The following MMP28 variants were observed in gnomAD, a reference collection of about 807,000 sequenced individuals.
MMP28 encodes the protein matrix metalloproteinase-28.
Under a neutral mutation model 60.5 loss-of-function variants are expected in MMP28, and 55 were observed. That is an observed-to-expected ratio of 0.91 (90% confidence interval 0.73 to 1.14). The LOEUF (loss-of-function observed/expected upper bound fraction) is 1.14, where lower values mean the gene tolerates loss of function less well. Ranked by LOEUF, MMP28 falls within the 50% of genes most tolerant of loss-of-function variation. MMP28 has a pLI of 0.00. For missense variants in MMP28, 686 were observed against 738.3 expected (o/e 0.93, Z 0.82); for synonymous variants, 318 against 312.5 (o/e 1.02, Z -0.18).
intron 3 of MMP28, 189 bp downstream of exon 3, chr17:35,778,699 C>A: frequency 7.6e-7 from 1 of 1,307,806 alleles, no homozygotes. Flanking sequence ...ATGTAGGTGT[C>A]ATTCTGAATT....
intron 3 of MMP28, among the ~76,000 whole-genome samples, chr17:35,777,322 A>T (rs551417538): frequency 6.6e-6 from 1 of 152,204 alleles, no homozygotes; most frequent in East Asian, 1.9e-4. Flanking sequence ...ACACGGTGGG[A>T]CACAGAACAT....
At chr17:35,777,476 A>G (rs1420808041) in intron 3 of MMP28, among the ~76,000 whole-genome samples, 2 of 152,202 alleles carry the variant, frequency 1.3e-5, no homozygotes, top group Non-Finnish European at 2.9e-5. Context: ...ACACCTGGAA[A>G]CAGCCACCCT....
In MMP28 at chr17:35,779,325, T is replaced by C. The variant is rs765755380; in HGVS notation, c.112-2A>G. On this transcript the variant is annotated splice_acceptor_variant, in intron 1 of 7. Transcript: ENST00000605424. LOFTEE classifies it high-confidence loss of function. Reference sequence around the variant, plus strand: ...GTATCCGTACTTCTCTAGGAATGCCTGCGGGAGAGAGGAATATCTGCTTTT... The same window carrying C: ...GTATCCGTACTTCTCTAGGAATGCCCGCGGGAGAGAGGAATATCTGCTTTT... The C allele has an allele frequency of 6.2e-7, 1 of 1,611,088 alleles. No individual in the cohort carries two copies. Among genetic ancestry groups the C allele is most frequent in the South Asian group, 1.1e-5 (1 of 90,184 alleles).
chr17:35,775,488 GA>G (rs1568163988), intron 3 of MMP28, among the ~76,000 whole-genome samples: 1 of 152,222 alleles, frequency 6.6e-6, no homozygotes, highest in Non-Finnish European at 1.5e-5. Context: ...AGGGGGAGGA[GA>G]ACTAAAAGCT....
rs2086937689 is a variant in MMP28 at position 35,795,302 on chromosome 17, C to T, written c.76G>A (p.Glu26Lys). 1 of 1,465,268 alleles carries T rather than the reference C, an allele frequency of 6.8e-7. No individual in the cohort carries two copies. Among genetic ancestry groups the T allele is most frequent in the Non-Finnish European group, 9.0e-7 (1 of 1,108,824 alleles). The allele number at this position is 1,465,268 out of a possible 1,614,324, so 90.8% of individuals were successfully genotyped here. A position where few individuals can be genotyped will look rare whatever the true frequency, so the allele number is the denominator to read the frequency against. ...LWGHLDAQPA[E>K]RGGQELRKEA... is the part of the protein sequence containing the mutation. ...TTGCGCAGCTCCTGGCCTCCGCGCT[C>T]CGCGGGCTGGGCGTCCAGGTGGCCC... The change falls in exon 1 of 8, where the codon GAG becomes AAG. Residue 26 changes from glutamate (E) to lysine (K), a missense_variant. Glu to Lys is a moderately conservative substitution (Grantham distance 56). Transcript: ENST00000605424.
intron 3 of MMP28, among the ~76,000 whole-genome samples, chr17:35,776,856 T>G (rs1555607753): frequency 6.6e-6 from 1 of 151,726 alleles, no homozygotes; most frequent in Non-Finnish European, 1.5e-5. Flanking sequence ...GCCATTGCAC[T>G]CCAGCATGAG....
At position 35,768,332 on chromosome 17, in the gene MMP28, A is replaced by G; in HGVS notation, c.898T>C (p.Phe300Leu). Residue 300 changes from phenylalanine (F) to leucine (L), a missense_variant, in exon 6 of 8, where the codon TTC becomes CTC. Phe to Leu is a conservative substitution (Grantham distance 22). Coordinates refer to ENST00000605424, the MANE Select transcript of MMP28 (RefSeq NM_024302.5). ...SVAVQLPGKL[F>L]TDFETWDSYS... is the part of the protein sequence containing the mutation. ...GAGTCCCAGGTCTCAAAGTCAGTGA[A>G]CAGCTTTCCTGGGAGCTGGACGGCC... 1 of 1,613,102 alleles carries G rather than the reference A, an allele frequency of 6.2e-7. No individual in the cohort carries two copies. Among genetic ancestry groups the G allele is most frequent in the Non-Finnish European group, 8.5e-7 (1 of 1,179,492 alleles).
At chr17:35,772,312 T>C (rs1035645910) in intron 4 of MMP28, among the ~76,000 whole-genome samples, 4 of 152,200 alleles carry the variant, frequency 2.6e-5, no homozygotes, top group African/African-American at 9.7e-5. Context: ...CTGTCTTAAC[T>C]AGGTATGGAT....
chr17:35,793,668 A>T (rs2143650504), intron 1 of MMP28, among the ~76,000 whole-genome samples: 1 of 152,220 alleles, frequency 6.6e-6, no homozygotes, highest in East Asian at 1.9e-4. Flanking sequence ...GTTTCCCCAA[A>T]TTCAGCTTGC....
intron 1 of MMP28, 127 bp downstream of exon 1, chr17:35,795,140 G>A: frequency 1.8e-6 from 1 of 565,032 alleles, no homozygotes; most frequent in Non-Finnish European, 2.8e-6. Context: ...AAGTGCGAAG[G>A]GGGCGGAGGA....
chr17:35,772,223 A>C (rs1568152694), intron 4 of MMP28, among the ~76,000 whole-genome samples: 1 of 152,188 alleles, frequency 6.6e-6, no homozygotes, highest in Non-Finnish European at 1.5e-5. Flanking sequence ...AGAGAAGACC[A>C]CTATTCAAAA....
At chr17:35,778,693 A>G (rs1242338986) in intron 3 of MMP28, 195 bp downstream of exon 3, 2 of 1,265,784 alleles carry the variant, frequency 1.6e-6, no homozygotes, top group Non-Finnish European at 2.1e-6. Flanking sequence ...TCATCAATGT[A>G]GGTGTCATTC....
chr17:35,787,994 T>C (rs1267008803), intron 1 of MMP28, among the ~76,000 whole-genome samples: 3 of 148,628 alleles, frequency 2.0e-5, no homozygotes, highest in Non-Finnish European at 3.0e-5. Context: ...AAACCTTGAC[T>C]TCCTGGGCTC....
At chr17:35,780,977 G>A (rs1481337650) in intron 1 of MMP28, among the ~76,000 whole-genome samples, 2 of 152,172 alleles carry the variant, frequency 1.3e-5, no homozygotes, top group Non-Finnish European at 2.9e-5. Context: ...GAGCTGATAC[G>A]TAATCTGAGT....
At position 35,788,077 on chromosome 17, in the gene MMP28, T is replaced by G. The variant is rs139314309; in HGVS notation, c.111+7190A>C. Among the ~76,000 whole-genome samples, 251 of 151,684 alleles carry G rather than the reference T, an allele frequency of 1.7e-3. No individual in the cohort carries two copies. The Middle Eastern group carries it at 0.054, about 33-fold the overall frequency. On this transcript the variant is annotated intron_variant, in intron 1 of 7. Transcript: ENST00000605424. ...TGTGCCATCGTGCCTGGCTAATTTT[T>G]TAATTTTTGTAGAGATGGGGGTCTC...
At chr17:35,762,993 G>T (rs1237810813), downstream of MMP28, among the ~76,000 whole-genome samples, 1 of 152,008 alleles carries the variant, frequency 6.6e-6, no homozygotes, top group Non-Finnish European at 1.5e-5. Context: ...GTGGTGGCGG[G>T]CGCCTATAGT....
intron 1 of MMP28, among the ~76,000 whole-genome samples, chr17:35,779,952 T>TGGG (rs1347973077): frequency 1.3e-5 from 2 of 152,218 alleles, no homozygotes; most frequent in African/African-American, 2.4e-5. Flanking sequence ...TGGTATTGAT[T>TGGG]AGGAGCTTAT....
At chr17:35,763,983 C>A (rs1555602047), downstream of MMP28, 1 of 1,523,320 alleles carries the variant, frequency 6.6e-7, no homozygotes, top group South Asian at 1.2e-5. Context: ...AGCAGGACTG[C>A]CCTGACCTCC....
chr17:35,765,536 T>C (rs1031037326), downstream of MMP28, among the ~76,000 whole-genome samples: 6 of 152,316 alleles, frequency 3.9e-5, 1 homozygote. Flanking sequence ...GCCTGGAGAA[T>C]GCGGCCACTG....
Sources: gnomAD v4.1 joint callset for allele counts (sites outside exome capture counted in the v4.1 genomes callset) on GRCh38, gnomAD v4.1.1 for gene constraint, MANE v1.5 for transcripts, NCBI Gene and HGNC (gene_info 2026-07-23, HGNC 2026-07-21) for gene names.